MACROD2: variants seen among roughly 807,000 people sequenced by gnomAD.
The protein encoded by MACROD2 is mono-ADP ribosylhydrolase 2.
A neutral mutation model predicts 70.4 loss-of-function variants in MACROD2; 36 were observed. The ratio of observed to expected loss-of-function variants is 0.51; its 90% CI spans 0.39 to 0.68. The LOEUF is 0.68. MACROD2 is among the 30% of genes least tolerant of loss of function. MACROD2 has a pLI of 0.00. For synonymous variants in MACROD2, 172 were observed against 178.8 expected (o/e 0.96, Z 0.30); for missense variants, 496 against 538.4 (o/e 0.92, Z 0.78).
At chr20:14,869,568 TCTCC>T (rs1325255140) in intron 5 of MACROD2, among the ~76,000 whole-genome samples, 1 of 152,156 alleles carries the variant, frequency 6.6e-6, no homozygotes, top group Non-Finnish European at 1.5e-5. Flanking sequence ...TGTCAACCTC[TCTCC>T]CTCTTTCTTT....
At chr20:14,466,757 G>C (rs946795244) in intron 3 of MACROD2, among the ~76,000 whole-genome samples, 4 of 152,046 alleles carry the variant, frequency 2.6e-5, no homozygotes, top group Non-Finnish European at 5.9e-5. Flanking sequence ...CTAACAGTCA[G>C]GACCCTCAGC....
chr20:14,072,435 A>G (rs1026581701), intron 2 of MACROD2, among the ~76,000 whole-genome samples: 2 of 119,336 alleles, frequency 1.7e-5, no homozygotes, highest in African/African-American at 6.3e-5. Flanking sequence ...CAGCCTTCTT[A>G]CCTGCGGAGC....
intron 10 of MACROD2, among the ~76,000 whole-genome samples, chr20:15,891,898 A>T (rs993336389): frequency 5.3e-5 from 8 of 152,136 alleles, no homozygotes; most frequent in African/African-American, 1.9e-4. Flanking sequence ...AGTGCTGTGA[A>T]GTGTGGGGCA....
chr20:14,861,122 G>A (rs1186125341), intron 5 of MACROD2, among the ~76,000 whole-genome samples: 1 of 152,078 alleles, frequency 6.6e-6, no homozygotes, highest in Admixed American at 6.6e-5. Context: ...TTTAATTAAA[G>A]GAATTGTTAC....
At chr20:15,159,166 T>C (rs1487593275) in intron 5 of MACROD2, among the ~76,000 whole-genome samples, 1 of 152,158 alleles carries the variant, frequency 6.6e-6, no homozygotes, top group African/African-American at 2.4e-5. Context: ...AAAATTCTTT[T>C]CTAGAATCTC....
chr20:14,071,252 GT>G lies in MACROD2; in HGVS notation c.164-14343del, dbSNP rs59052053. On this transcript the variant is annotated intron_variant, in intron 2 of 17. Coordinates refer to ENST00000684519, the MANE Select transcript of MACROD2 (RefSeq NM_001351661.2). ...GACAGTATTGGCCATTTCATCTTGTGTTTTTTTTTTTTTTTTTTTTTTTTTT... is the reference window on the plus strand; with the variant it reads ...GACAGTATTGGCCATTTCATCTTGTGTTTTTTTTTTTTTTTTTTTTTTTTT... Among the ~76,000 whole-genome samples, 151 of 63,946 alleles carry G rather than the reference GT, an allele frequency of 2.4e-3. 3 individuals carry two copies. The highest frequency in any genetic ancestry group is 4.7e-3 in the African/African-American group (75 of 15,800). The allele number at this position is 63,946 out of a possible 152,430, so 42.0% of individuals were successfully genotyped here.
chr20:14,077,158 C>CATTAATTACATTACA (rs2053925754), intron 2 of MACROD2, among the ~76,000 whole-genome samples: 1 of 151,994 alleles, frequency 6.6e-6, no homozygotes, highest in Non-Finnish European at 1.5e-5. Flanking sequence ...CAACCTTAGA[C>CATTAATTACATTACA]TTACATTACA....
intron 8 of MACROD2, among the ~76,000 whole-genome samples, chr20:15,527,532 C>T (rs565582467): frequency 6.6e-6 from 1 of 152,294 alleles, no homozygotes; most frequent in East Asian, 1.9e-4. Flanking sequence ...AGTCACACCG[C>T]TCCCCAGATT....
intron 4 of MACROD2, among the ~76,000 whole-genome samples, chr20:14,500,755 A>T (rs191228550): frequency 1.3e-5 from 2 of 152,236 alleles, no homozygotes; most frequent in Admixed American, 6.5e-5. Flanking sequence ...CTTCTAAGTG[A>T]ACCTCCCTGT....
At chr20:14,916,584 T>C (rs1205570058) in intron 5 of MACROD2, among the ~76,000 whole-genome samples, 3 of 152,116 alleles carry the variant, frequency 2.0e-5, no homozygotes, top group Non-Finnish European at 2.9e-5. Flanking sequence ...ATCTGCAATG[T>C]TGAAATGGAT....
chr20:14,355,617 C>A (rs1161436780), intron 3 of MACROD2, among the ~76,000 whole-genome samples: 3 of 151,946 alleles, frequency 2.0e-5, no homozygotes, highest in Admixed American at 2.0e-4. Context: ...GTGAGAAAAT[C>A]AGCATATAAA....
intron 4 of MACROD2, among the ~76,000 whole-genome samples, chr20:14,656,846 G>C (rs1267904412): frequency 6.6e-6 from 1 of 152,050 alleles, no homozygotes; most frequent in African/African-American, 2.4e-5. Flanking sequence ...CCTCTATTTT[G>C]GGGGGAGATT....
intron 10 of MACROD2, among the ~76,000 whole-genome samples, chr20:15,913,657 A>G (rs1002181961): frequency 3.3e-5 from 5 of 152,190 alleles, no homozygotes; most frequent in African/African-American, 1.2e-4. Flanking sequence ...CTTTATGTTG[A>G]AAAACTGTCC....
At chr20:14,403,744 T>C (rs756451151) in intron 3 of MACROD2, among the ~76,000 whole-genome samples, 8 of 152,144 alleles carry the variant, frequency 5.3e-5, no homozygotes, top group Non-Finnish European at 1.2e-4. Flanking sequence ...GTAGTTGCAA[T>C]TGGGCAGTGT....
chr20:15,578,751 C>G lies in MACROD2; in HGVS notation c.645+78904C>G, dbSNP rs115087708. ...TTAGTTGTATGCAGTTTCAGAAAAT[C>G]CGTTGAGCTGTGACTTCATTACTTA... On this transcript the variant is annotated intron_variant, in intron 8 of 17. Transcript: ENST00000684519. 4.9e-3 allele frequency among the ~76,000 whole-genome samples: 585 copies of G among 119,042 alleles called. 4 individuals carry two copies. The highest frequency in any genetic ancestry group is 0.014 in the African/African-American group (540 of 37,728). 78.1% of individuals were successfully genotyped at this position (119,042 alleles called of 152,430 possible). A position where few individuals can be genotyped will look rare whatever the true frequency, so the allele number is the denominator to read the frequency against.
At chr20:15,547,903 C>A (rs2146580878) in intron 8 of MACROD2, among the ~76,000 whole-genome samples, 1 of 152,280 alleles carries the variant, frequency 6.6e-6, no homozygotes, top group East Asian at 1.9e-4. Flanking sequence ...CCTGGTTTTA[C>A]CCTCTCTAGT....
chr20:15,574,923 C>A (rs2048424082), intron 8 of MACROD2, among the ~76,000 whole-genome samples: 1 of 152,134 alleles, frequency 6.6e-6, no homozygotes, highest in Admixed American at 6.6e-5. Flanking sequence ...TATTTTATTA[C>A]TGAGCTCCAA....
chr20:15,193,379 T>C (rs1601202651), intron 5 of MACROD2, among the ~76,000 whole-genome samples: 1 of 152,236 alleles, frequency 6.6e-6, no homozygotes, highest in East Asian at 1.9e-4. Context: ...TAACATACAG[T>C]TGATAGAACT....
chr20:15,599,715 T>A (rs1038170966), intron 8 of MACROD2, among the ~76,000 whole-genome samples: 1 of 152,154 alleles, frequency 6.6e-6, no homozygotes, highest in Non-Finnish European at 1.5e-5. Flanking sequence ...ATATTTTAAA[T>A]TTTTTGCTGT....
Sources: allele counts gnomAD v4.1 joint callset (sites outside exome capture counted in the v4.1 genomes callset), GRCh38; gene constraint gnomAD v4.1.1; transcripts MANE v1.5; gene names NCBI Gene and HGNC (gene_info 2026-07-23, HGNC 2026-07-21).